LAMA2: variants seen among roughly 807,000 people sequenced by gnomAD.
LAMA2 encodes the protein laminin subunit alpha-2.
In LAMA2, 269 loss-of-function variants were observed where a neutral mutation model predicts 364.8. The observed-to-expected ratio is 0.74, with a 90% confidence interval of 0.67 to 0.82. LAMA2 has a LOEUF of 0.82. LAMA2 is among the 40% of genes least tolerant of loss of function. The pLI is 0.00. For missense variants in LAMA2, 3,807 were observed against 3,873.2 expected, an observed-to-expected ratio of 0.98 and a Z score of 0.45; for synonymous variants, 1,379 against 1,370.6, an observed-to-expected ratio of 1.01 and a Z score of -0.14.
intron 9 of LAMA2, among the ~76,000 whole-genome samples, chr6:129,173,165 GCTGTTCCT>G (rs1385919414): frequency 6.6e-6 from 1 of 152,198 alleles, no homozygotes; most frequent in Non-Finnish European, 1.5e-5. Context: ...GTAGACCGGA[GCTGTTCCT>G]ATTGGGCCAT....
chr6:129,124,611 CAT>C (rs1480948636), intron 4 of LAMA2, among the ~76,000 whole-genome samples: 1 of 152,138 alleles, frequency 6.6e-6, no homozygotes, highest in East Asian at 1.9e-4. Context: ...TTAGAAGTCT[CAT>C]ATGTTCTGTC....
At chr6:128,989,727 G>A (rs1783489044) in intron 1 of LAMA2, among the ~76,000 whole-genome samples, 1 of 152,148 alleles carries the variant, frequency 6.6e-6, no homozygotes, top group African/African-American at 2.4e-5. Flanking sequence ...TATAAATATT[G>A]GGTTAGTTTA....
chr6:129,104,626 A>G (rs1583049443), intron 4 of LAMA2, among the ~76,000 whole-genome samples: 1 of 152,120 alleles, frequency 6.6e-6, no homozygotes, highest in Admixed American at 6.6e-5. Flanking sequence ...ATACTGCCCT[A>G]TGTTCATATC....
intron 51 of LAMA2, among the ~76,000 whole-genome samples, chr6:129,471,277 A>G (rs1409398691): frequency 6.6e-6 from 1 of 151,984 alleles, no homozygotes; most frequent in Non-Finnish European, 1.5e-5. Context: ...CTTCATCGCT[A>G]TCACTCATGA....
intron 1 of LAMA2, among the ~76,000 whole-genome samples, chr6:129,020,430 A>C (rs1214298353): frequency 6.6e-6 from 1 of 152,186 alleles, no homozygotes; most frequent in Admixed American, 6.5e-5. Flanking sequence ...ACAAAGTATG[A>C]GACTTAAAGA....
chr6:129,132,000 T>G (rs1468232903), intron 4 of LAMA2, among the ~76,000 whole-genome samples: 1 of 152,044 alleles, frequency 6.6e-6, no homozygotes, highest in African/African-American at 2.4e-5. Flanking sequence ...TGTCAATAAT[T>G]CTACAATCTC....
intron 1 of LAMA2, among the ~76,000 whole-genome samples, chr6:128,961,344 T>TAAAATATG (rs1466709152): frequency 1.2e-5 from 1 of 83,848 alleles, no homozygotes; most frequent in African/African-American, 4.4e-5. Flanking sequence ...TATATATATA[T>TAAAATATG]ATATATATAT....
intron 29 of LAMA2, among the ~76,000 whole-genome samples, chr6:129,336,549 T>C (rs1231025178): frequency 6.6e-6 from 1 of 152,226 alleles, no homozygotes; most frequent in African/African-American, 2.4e-5. Context: ...AATAAACTTA[T>C]GAGATAGACA....
chr6:129,449,637 A>G (rs1782564935), intron 45 of LAMA2, among the ~76,000 whole-genome samples: 1 of 152,160 alleles, frequency 6.6e-6, no homozygotes, highest in African/African-American at 2.4e-5. Context: ...GTATAACAAC[A>G]TCATTTTGCT....
chr6:128,915,902 A>G (rs1365912545), intron 1 of LAMA2, among the ~76,000 whole-genome samples: 2 of 152,244 alleles, frequency 1.3e-5, no homozygotes, highest in Non-Finnish European at 2.9e-5. Context: ...CCAACTATTA[A>G]TGATGAGAGA....
chr6:129,352,223 A>G (rs1262924853), intron 31 of LAMA2, among the ~76,000 whole-genome samples: 1 of 152,254 alleles, frequency 6.6e-6, no homozygotes, highest in Non-Finnish European at 1.5e-5. Context: ...TGGGCAAACC[A>G]GAATGTATGG....
intron 23 of LAMA2, 113 bp downstream of exon 23, chr6:129,313,210 G>A (rs989015193): frequency 1.5e-6 from 1 of 675,758 alleles, no homozygotes; most frequent in Non-Finnish European, 2.6e-6. Flanking sequence ...TAAACAAACA[G>A]ATGGACAAAA....
chr6:129,427,715 G>T, intron 40 of LAMA2, 37 bp from the exon 41 acceptor site: 1 of 1,459,304 alleles, frequency 6.9e-7, no homozygotes, highest in South Asian at 1.1e-5. Context: ...ATTATTCTAT[G>T]GTTTTAGATG....
At chr6:128,936,958 A>G (rs1163038992) in intron 1 of LAMA2, among the ~76,000 whole-genome samples, 3 of 152,168 alleles carry the variant, frequency 2.0e-5, no homozygotes, top group African/African-American at 4.8e-5. Context: ...TACAGTTTGG[A>G]TACCCTAGAA....
chr6:129,045,294 A>G (rs1787398383), intron 1 of LAMA2, among the ~76,000 whole-genome samples: 1 of 152,214 alleles, frequency 6.6e-6, no homozygotes. Flanking sequence ...TAGTGTCTTT[A>G]GTTTTATGGT....
Position 128,951,824 on chromosome 6 carries a change from T to A in LAMA2, c.112+68467T>A, listed in dbSNP as rs563805385. 1.3e-4 allele frequency among the ~76,000 whole-genome samples: 20 copies of A among 152,318 alleles called. 1 individual carries two copies. The South Asian group carries it at 4.1e-3, about 32-fold the overall frequency. On this transcript the variant is annotated intron_variant, in intron 1 of 64. Coordinates refer to ENST00000421865, the MANE Select transcript of LAMA2 (RefSeq NM_000426.4). ...TTTCTACCCTTTTTATTTATTTATTTTTAAATTTCTATATTTCATAAGTAA... is the reference window on the plus strand; with the variant it reads ...TTTCTACCCTTTTTATTTATTTATTATTAAATTTCTATATTTCATAAGTAA...
intron 3 of LAMA2, among the ~76,000 whole-genome samples, chr6:129,085,758 G>A (rs1583015070): frequency 6.6e-6 from 1 of 152,172 alleles, no homozygotes; most frequent in East Asian, 1.9e-4. Flanking sequence ...TGATGTCACT[G>A]AAGTTGTATT....
chr6:129,094,212 A>C (rs1236684017), intron 3 of LAMA2, among the ~76,000 whole-genome samples: 6 of 152,238 alleles, frequency 3.9e-5, no homozygotes. Context: ...TATTCACTAC[A>C]TTTTAAAAGT....
chr6:129,048,476 CTTTCTTTCTTTCT>C (rs1787709104), intron 1 of LAMA2, among the ~76,000 whole-genome samples: 67 of 63,226 alleles, frequency 1.1e-3, no homozygotes, highest in African/African-American at 2.0e-3. Flanking sequence ...TTCTTTCTTT[CTTTCTTTCTTTCT>C]TTCTTTCCTT....
Sources: gnomAD v4.1 joint callset for allele counts (sites outside exome capture counted in the v4.1 genomes callset) on GRCh38, gnomAD v4.1.1 for gene constraint, MANE v1.5 for transcripts, NCBI Gene and HGNC (gene_info 2026-07-23, HGNC 2026-07-21) for gene names.